Variants in PDE10A observed in about 807,000 individuals in gnomAD.
The protein encoded by PDE10A is phosphodiesterase 10A.
PDE10A carries 39 observed loss-of-function variants against 97.7 expected under a neutral mutation model. The ratio of observed to expected loss-of-function variants is 0.40; its 90% CI spans 0.31 to 0.52. The LOEUF (loss-of-function observed/expected upper bound fraction) is 0.52, where lower values mean the gene tolerates loss of function less well. Among genes scored for constraint, PDE10A ranks in the 20% least tolerant of loss-of-function variants. The pLI, the probability that PDE10A is intolerant of heterozygous loss-of-function variation, is 0.56. For missense variants in PDE10A, 731 were observed against 1,047.8 expected (o/e 0.70, Z 4.17); for synonymous variants, 371 against 376.8 (o/e 0.98, Z 0.18).
chr6:165,732,492 G>A (rs964526567), intron 1 of PDE10A, among the ~76,000 whole-genome samples: 6 of 152,186 alleles, frequency 3.9e-5, no homozygotes, highest in African/African-American at 1.4e-4. Flanking sequence ...AGTCGCAGGT[G>A]GGCGACTCCA....
chr6:165,726,964 G>A lies in PDE10A; in HGVS notation c.-614-183396C>T, dbSNP rs148181899. Among the ~76,000 whole-genome samples, 5 of 152,306 alleles carry A rather than the reference G, an allele frequency of 3.3e-5. No homozygotes were observed. In the East Asian group the frequency reaches 9.7e-4, roughly 30 times the overall value. ...CAGCATAAAGGAAGATGGATGGGCCGAGCCAGGCCACCACAGAAACGCCCC... is the reference window on the plus strand; with the variant it reads ...CAGCATAAAGGAAGATGGATGGGCCAAGCCAGGCCACCACAGAAACGCCCC... On this transcript the variant is annotated intron_variant, in intron 1 of 19. Coordinates refer to the PDE10A transcript ENST00000366882.
chr6:165,338,118 A>G (rs1434750741), intron 20 of PDE10A, among the ~76,000 whole-genome samples: 1 of 152,198 alleles, frequency 6.6e-6, no homozygotes, highest in Admixed American at 6.5e-5. Flanking sequence ...GGTATTCAGG[A>G]TCCATTTCTA....
intron 1 of PDE10A, among the ~76,000 whole-genome samples, chr6:165,778,578 G>A (rs148301843): frequency 6.6e-6 from 1 of 152,190 alleles, no homozygotes; most frequent in African/African-American, 2.4e-5. Context: ...CCTAAGAGTG[G>A]AGTTGCTGCC....
At chr6:165,822,292 A>G (rs1779597273) in intron 1 of PDE10A, among the ~76,000 whole-genome samples, 2 of 142,920 alleles carry the variant, frequency 1.4e-5, no homozygotes, top group Admixed American at 7.1e-5. Flanking sequence ...GCTGGATGGC[A>G]CAGCCCAACA....
At chr6:165,374,166 C>T (rs1055029843) in intron 18 of PDE10A, among the ~76,000 whole-genome samples, 21 of 150,722 alleles carry the variant, frequency 1.4e-4, no homozygotes, top group Non-Finnish European at 2.7e-4. Flanking sequence ...ACCAGCATGG[C>T]ACATGTATAC....
intron 1 of PDE10A, among the ~76,000 whole-genome samples, chr6:165,945,616 G>A (rs1469409567): frequency 2.0e-5 from 3 of 152,190 alleles, no homozygotes; most frequent in African/African-American, 7.2e-5. Context: ...TCCACCATGT[G>A]AAAACACAGC....
intron 1 of PDE10A, among the ~76,000 whole-genome samples, chr6:165,898,010 ACC>A (rs1370435152): frequency 8.6e-5 from 13 of 151,060 alleles, no homozygotes. Flanking sequence ...AGCCCCTGTA[ACC>A]CACCCCCTTG....
At chr6:165,356,448 T>C (rs1000560990) in intron 18 of PDE10A, among the ~76,000 whole-genome samples, 1 of 152,318 alleles carries the variant, frequency 6.6e-6, no homozygotes, top group Non-Finnish European at 1.5e-5. Context: ...TATAATACCT[T>C]CGTCAAACAT....
chr6:165,498,189 T>C (rs1329781993), intron 2 of PDE10A, among the ~76,000 whole-genome samples: 2 of 151,722 alleles, frequency 1.3e-5, no homozygotes, highest in Admixed American at 6.6e-5. Context: ...GGTGGGAGGA[T>C]AGCTTGAGGC....
intron 1 of PDE10A, among the ~76,000 whole-genome samples, chr6:165,938,264 A>C (rs1408941918): frequency 6.6e-6 from 1 of 152,206 alleles, no homozygotes; most frequent in East Asian, 1.9e-4. Flanking sequence ...CCAGAAGCAA[A>C]CACTGCTTCA....
chr6:165,599,802 GCCTCCACGGCCT>G (rs1316860239), intron 1 of PDE10A, among the ~76,000 whole-genome samples: 1 of 152,150 alleles, frequency 6.6e-6, no homozygotes, highest in Non-Finnish European at 1.5e-5. Flanking sequence ...TGGTGAGCGG[GCCTCCACGGCCT>G]CCTCCACAGC....
At chr6:165,852,196 C>G (rs1291761371) in intron 1 of PDE10A, among the ~76,000 whole-genome samples, 2 of 152,154 alleles carry the variant, frequency 1.3e-5, no homozygotes. Flanking sequence ...GCCTGTGAGG[C>G]CCTTCATGTG....
chr6:165,581,625 G>C (rs1370436323), intron 1 of PDE10A, among the ~76,000 whole-genome samples: 2 of 152,156 alleles, frequency 1.3e-5, no homozygotes, highest in African/African-American at 4.8e-5. Flanking sequence ...ATTCACTAAG[G>C]CAGATGCATA....
At chr6:165,937,356 C>G (rs1783366674) in intron 1 of PDE10A, among the ~76,000 whole-genome samples, 1 of 152,204 alleles carries the variant, frequency 6.6e-6, no homozygotes, top group Non-Finnish European at 1.5e-5. Flanking sequence ...TTCTATTCAG[C>G]TTCTATTAAT....
At chr6:165,344,828 G>C (rs1382122060) in intron 18 of PDE10A, among the ~76,000 whole-genome samples, 1 of 152,132 alleles carries the variant, frequency 6.6e-6, no homozygotes, top group Non-Finnish European at 1.5e-5. Flanking sequence ...TTACAGGTTA[G>C]ACTAAATCAC....
At chr6:165,390,235 T>G (rs908188055) in intron 16 of PDE10A, among the ~76,000 whole-genome samples, 9 of 152,136 alleles carry the variant, frequency 5.9e-5, no homozygotes, top group Non-Finnish European at 1.2e-4. Flanking sequence ...GTGCCGAATG[T>G]CCCGGGATTC....
chr6:165,509,619 T>C (rs1301677801), intron 2 of PDE10A, among the ~76,000 whole-genome samples: 1 of 151,840 alleles, frequency 6.6e-6, no homozygotes, highest in East Asian at 1.9e-4. Flanking sequence ...AAAATGACAT[T>C]GGTACTTTGA....
intron 2 of PDE10A, among the ~76,000 whole-genome samples, chr6:165,498,318 T>C (rs1028316116): frequency 6.7e-6 from 1 of 150,148 alleles, no homozygotes; most frequent in Non-Finnish European, 1.5e-5. Flanking sequence ...GCTGAGGCAG[T>C]AGACTGTGGC....
chr6:165,585,267 T>C (rs1295945887), intron 1 of PDE10A, among the ~76,000 whole-genome samples: 2 of 152,188 alleles, frequency 1.3e-5, no homozygotes, highest in Non-Finnish European at 2.9e-5. Flanking sequence ...TTAGTCATAG[T>C]TTAAGAAGAA....
Sources: allele counts gnomAD v4.1 joint callset (sites outside exome capture counted in the v4.1 genomes callset), GRCh38; gene constraint gnomAD v4.1.1; transcripts MANE v1.5; gene names NCBI Gene and HGNC (gene_info 2026-07-23, HGNC 2026-07-21).